The following ADGRD2 variants were observed in gnomAD, a reference collection of about 807,000 sequenced individuals.
ADGRD2 encodes adhesion G protein-coupled receptor D2, also known as G protein-coupled receptor PGR24.
ADGRD2 carries 71 observed loss-of-function variants against 44.4 expected under a neutral mutation model. That is an observed-to-expected ratio of 1.60 (90% CI 1.32 to 1.95). ADGRD2 has a LOEUF of 1.95. Among genes scored for constraint, ADGRD2 ranks in the 30% most tolerant of loss-of-function variants. The probability of loss-of-function intolerance (pLI) is 0.00; values close to 1 mark genes in which losing one functional copy is unlikely to be tolerated. For synonymous variants in ADGRD2, 481 were observed against 224.8 expected (o/e 2.14, Z -10.19); for missense variants, 1,039 against 512.4 (o/e 2.03, Z -9.92).
chr9:124,470,771 G>A (rs1588608562), intron 17 of ADGRD2, among the ~76,000 whole-genome samples, 157 bp downstream of exon 20: 1 of 152,378 alleles, frequency 6.6e-6, no homozygotes, highest in East Asian at 1.9e-4. Context: ...TTTTGAGGGT[G>A]GCAGTGGGAA....
intron 16 of ADGRD2, among the ~76,000 whole-genome samples, 177 bp from the exon 20 acceptor site, chr9:124,470,317 G>A (rs868808892): frequency 1.3e-5 from 2 of 152,046 alleles, no homozygotes; most frequent in African/African-American, 4.8e-5. Context: ...TCTGAGAACA[G>A]GGGGGGCAAC....
chr9:124,451,220 A>G (rs761501662), upstream of ADGRD2: 9 of 471,672 alleles, frequency 1.9e-5, no homozygotes, highest in African/African-American at 1.8e-4. Context: ...AGAACTCGGC[A>G]GAGGCCTGAT....
intron 10 of ADGRD2, among the ~76,000 whole-genome samples, chr9:124,463,936 C>T (rs998692849): frequency 4.6e-5 from 7 of 152,128 alleles, no homozygotes; most frequent in African/African-American, 1.7e-4. Context: ...CTCCTGGGAT[C>T]AAGCGATCCT....
chr9:124,474,429 A>C (rs1832007988), intron 17 of ADGRD2, among the ~76,000 whole-genome samples: 1 of 152,064 alleles, frequency 6.6e-6, no homozygotes, highest in South Asian at 2.1e-4. Context: ...TGGGATGGAG[A>C]AGGCAGTGCA....
chr9:124,472,192 G>A (rs977751021), intron 17 of ADGRD2, among the ~76,000 whole-genome samples: 5 of 151,254 alleles, frequency 3.3e-5, no homozygotes, highest in Non-Finnish European at 7.4e-5. Flanking sequence ...CAATGCCACC[G>A]TCGCACCGTC....
At chr9:124,474,745 C>G (rs544110579) in intron 17 of ADGRD2, among the ~76,000 whole-genome samples, 1 of 152,216 alleles carries the variant, frequency 6.6e-6, no homozygotes, top group African/African-American at 2.4e-5. Context: ...CTCTGCCCCC[C>G]ACCCACAGCT....
chr9:124,453,584 C>T (rs1179463469), exon 3 of ADGRD2: 2 of 700,004 alleles, frequency 2.9e-6, no homozygotes, highest in South Asian at 3.0e-5. Context: ...TGCGCGCCGC[C>T]CTCAGAGGGC....
chr9:124,477,226 T>C, intron 21 of ADGRD2: 1 of 367,460 alleles, frequency 2.7e-6, no homozygotes, highest in South Asian at 2.0e-5. Context: ...GTGGGTACTG[T>C]GGGAGGGTGA....
Position 124,477,075 on chromosome 9 carries a change from G to A in ADGRD2, c.*18+366G>A, listed in dbSNP as rs777352838. 6.4e-5 allele frequency: 34 copies of A among 530,252 alleles called. 1 individual carries two copies. The highest frequency in any genetic ancestry group is 4.0e-4 in the South Asian group (26 of 65,076). The allele number at this position is 530,252 out of a possible 1,614,324, so 32.8% of individuals were successfully genotyped here. A position where few individuals can be genotyped will look rare whatever the true frequency, so the allele number is the denominator to read the frequency against. ...CTGCCCCCTAAGCCCAGCACCCCCC[G>A]TCACCCTCTGAAGGCCCCGGCCTGA... On this transcript the variant is annotated intron_variant, in intron 21 of 21. Transcript: ENST00000334810.
At position 124,458,015 on chromosome 9, in the gene ADGRD2, C is replaced by T. The variant is rs1831649730; in HGVS notation, c.1641-98C>T. 5 of 674,868 alleles carry T rather than the reference C, an allele frequency of 7.4e-6. 1 individual carries two copies. The highest frequency in any genetic ancestry group is 1.4e-5 in the Non-Finnish European group (5 of 364,072). The allele number at this position is 674,868 out of a possible 1,614,324, so 41.8% of individuals were successfully genotyped here. A position where few individuals can be genotyped will look rare whatever the true frequency, so the allele number is the denominator to read the frequency against. ...AGTTTACCTCTCTGAGCCTCAGTTTCCCTATCTCTAGAGTGGGGAGAGCAT... is the reference window on the plus strand; with the variant it reads ...AGTTTACCTCTCTGAGCCTCAGTTTTCCTATCTCTAGAGTGGGGAGAGCAT... On this transcript the variant is annotated intron_variant, in intron 8 of 21. Transcript: ENST00000334810.
At chr9:124,469,226 G>C (rs754461410) in exon 15 of ADGRD2, 1 of 714,108 alleles carries the variant, frequency 1.4e-6, no homozygotes, top group Non-Finnish European at 2.6e-6. Context: ...TCCCAGGCGT[G>C]CCTGTGGGCA....
intron 19 of ADGRD2, among the ~76,000 whole-genome samples, chr9:124,475,975 A>G (rs1588611056): frequency 6.6e-6 from 1 of 152,194 alleles, no homozygotes; most frequent in African/African-American, 2.4e-5. Context: ...CCTGTCACTC[A>G]TTCCCCACTG....
chr9:124,475,446 G>A (rs1219343970), exon 18 of ADGRD2: 1 of 713,568 alleles, frequency 1.4e-6, no homozygotes, highest in South Asian at 1.5e-5. Context: ...CTGTCCTCAG[G>A]GGCTGTACAT....
chr9:124,467,709 C>A lies in ADGRD2; in HGVS notation c.2027-12C>A. On this transcript the variant is annotated splice_polypyrimidine_tract_variant and intron_variant, in intron 11 of 21. Transcript: ENST00000334810. ...GGTGGTGCCAGGGGGGTTTCTCTGT[C>A]CCTCCACACAGAGAGGCCCTGAGGA... The A allele has an allele frequency of 1.4e-6, 1 of 718,212 alleles. No individual in the cohort carries two copies. The allele number at this position is 718,212 out of a possible 1,614,324, so 44.5% of individuals were successfully genotyped here. A position where few individuals can be genotyped will look rare whatever the true frequency, so the allele number is the denominator to read the frequency against.
At chr9:124,458,642 C>G (rs1299692584) in exon 10 of ADGRD2, 1 of 718,696 alleles carries the variant, frequency 1.4e-6, no homozygotes, top group African/African-American at 1.7e-5. Flanking sequence ...GTGGGGTCAG[C>G]CATCATCTCC....
upstream of ADGRD2, chr9:124,451,997 GCCCCCCT>G: frequency 5.5e-6 from 2 of 360,916 alleles, no homozygotes; most frequent in Non-Finnish European, 1.1e-5. Flanking sequence ...TCCACTGAAT[GCCCCCCT>G]CCCACCCACC....
rs1242466245 is a variant in ADGRD2 at position 124,470,492 on chromosome 9, A to G, written c.2638-2A>G. The G allele has an allele frequency of 1.4e-6, 1 of 709,582 alleles. No individual in the cohort carries two copies. Among genetic ancestry groups the G allele is most frequent in the Non-Finnish European group, 2.6e-6 (1 of 384,236 alleles). 44.0% of individuals were successfully genotyped at this position (709,582 alleles called of 1,614,324 possible). A position where few individuals can be genotyped will look rare whatever the true frequency, so the allele number is the denominator to read the frequency against. On this transcript the variant is annotated splice_acceptor_variant, in intron 16 of 21. Coordinates refer to ENST00000334810, the Ensembl canonical transcript of ADGRD2. LOFTEE classifies it high-confidence loss of function. ...CCGTCAGCCCTGCCTGCCCTCCTAC[A>G]GGGCCACGGTGAAGCCCGTGCTGGT... is the stretch of plus-strand genomic sequence containing the variant.
intron 19 of ADGRD2, 128 bp from the exon 23 acceptor site, chr9:124,476,229 A>T: frequency 1.7e-6 from 1 of 582,306 alleles, no homozygotes; most frequent in South Asian, 2.3e-5. Context: ...CCTCATTACT[A>T]ATCTGTGAGG....
In ADGRD2 at chr9:124,476,105, G is replaced by T. The variant is rs887691841; in HGVS notation, c.2846-252G>T. ...CTGCAGATGGTGAGTAAATGGGGTC[G>T]GGGCTCTGAGGCAGGGCATGGGTTG... On this transcript the variant is annotated intron_variant, in intron 19 of 21. Coordinates refer to ENST00000334810, the Ensembl canonical transcript of ADGRD2. Among the ~76,000 whole-genome samples the T allele has an allele frequency of 2.3e-4, 35 of 152,160 alleles. 2 individuals are homozygous for T. Among genetic ancestry groups the T allele is most frequent in the Non-Finnish European group, 1.5e-5 (1 of 68,022 alleles).
Sources: allele counts gnomAD v4.1 joint callset (sites outside exome capture counted in the v4.1 genomes callset), GRCh38; gene constraint gnomAD v4.1.1; transcripts MANE v1.5; gene names NCBI Gene and HGNC (gene_info 2026-07-23, HGNC 2026-07-21).